RNF32: variants seen among roughly 807,000 people sequenced by gnomAD.
RNF32 encodes ring finger protein 32.
In RNF32, 36 loss-of-function variants were observed where a neutral mutation model predicts 41.0. The observed-to-expected ratio is 0.88, with a 90% CI of 0.67 to 1.16. The LOEUF is 1.16. RNF32 is among the 50% of genes most tolerant of loss of function. The pLI, the probability that RNF32 is intolerant of heterozygous loss-of-function variation, is 0.00. For synonymous variants in RNF32, 154 were observed against 160.9 expected, an observed-to-expected ratio of 0.96 and a Z score of 0.32; for missense variants, 413 against 436.7, an observed-to-expected ratio of 0.95 and a Z score of 0.48.
intron 7 of RNF32, chr7:156,660,133 C>G (rs938383946): frequency 8.1e-6 from 8 of 985,714 alleles, no homozygotes; most frequent in African/African-American, 7.0e-5. Context: ...ACGCCCCGCT[C>G]TGATCCCCGT....
At chr7:156,664,722 TATCTTAGTAAAGAAAGTCATC>T (rs1801111026) in intron 7 of RNF32, among the ~76,000 whole-genome samples, 1 of 152,214 alleles carries the variant, frequency 6.6e-6, no homozygotes, top group South Asian at 2.1e-4. Flanking sequence ...ACACGGACCC[TATCTTAGTAAAGAAAGTCATC>T]ATCATCCTCA....
intron 4 of RNF32, among the ~76,000 whole-genome samples, chr7:156,655,293 TAG>T (rs1045186230): frequency 7.4e-5 from 11 of 148,094 alleles, no homozygotes; most frequent in African/African-American, 1.3e-4. Flanking sequence ...TATATATATA[TAG>T]AGAGAGAGAG....
chr7:156,670,232 G>A lies in RNF32; in HGVS notation c.685-5464G>A, dbSNP rs961570640. On this transcript the variant is annotated intron_variant, in intron 7 of 8. Transcript: ENST00000317955. The surrounding 1 kb of genome is among the most constrained non-coding windows in gnomAD (Gnocchi z 4.3). ...GGGCACACACATTTCCTTCTTTGCA[G>A]AGGAGCTGGATGCTAAGCACGGCTG... Among the ~76,000 whole-genome samples, 1 of 152,206 alleles carries A rather than the reference G, an allele frequency of 6.6e-6. No individual in the cohort carries two copies. Among genetic ancestry groups the A allele is most frequent in the Non-Finnish European group, 1.5e-5 (1 of 68,034 alleles).
chr7:156,676,210 CCA>C, intron 8 of RNF32: 1 of 1,477,508 alleles, frequency 6.8e-7, no homozygotes, highest in Non-Finnish European at 9.0e-7. Flanking sequence ...CTAACCCTTT[CCA>C]CAGTTCCCAG....
At chr7:156,671,920 A>G (rs1426401325) in intron 7 of RNF32, among the ~76,000 whole-genome samples, 1 of 152,216 alleles carries the variant, frequency 6.6e-6, no homozygotes, top group Non-Finnish European at 1.5e-5. Context: ...ACAAAATTAT[A>G]ATGGAAATGA....
chr7:156,672,736 T>C (rs75852828), intron 7 of RNF32, among the ~76,000 whole-genome samples: 2,749 of 152,330 alleles, frequency 0.018, 86 homozygotes, highest in African/African-American at 0.063. Flanking sequence ...TACATATTTA[T>C]ATGTGGCCCG....
rs1277034332 is a variant in RNF32, at chr7:156,676,673, G to C, written c.*18G>C. On this transcript the variant is annotated 3_prime_UTR_variant, in exon 9 of 9. Coordinates refer to ENST00000317955, the MANE Select transcript of RNF32 (RefSeq NM_030936.4). ...AATGTTGAATTCATAGTCAAGGAAA[G>C]TTAGGTAATTCTGAGGAAAAAAGTT... The C allele has an allele frequency of 6.3e-7, 1 of 1,598,102 alleles. No individual in the cohort carries two copies.
In RNF32 at chr7:156,657,215, C is replaced by G. The variant is rs183380716; in HGVS notation, c.418-326C>G. Among the ~76,000 whole-genome samples, 409 of 152,312 alleles carry G rather than the reference C, an allele frequency of 2.7e-3. 2 individuals carry two copies. The highest frequency in any genetic ancestry group is 8.6e-3 in the African/African-American group (359 of 41,580). On this transcript the variant is annotated intron_variant, in intron 4 of 8. Transcript: ENST00000317955. The stretch of plus-strand genomic sequence containing the variant: ...GCCCCACTGGACAGGCCCCCCTCCT[C>G]ACCCCTCCAGTTTGCAGTCACTGCC...
intron 2 of RNF32, 34 bp from the exon 3 acceptor site, chr7:156,644,465 C>T: frequency 6.6e-7 from 1 of 1,525,022 alleles, no homozygotes; most frequent in Non-Finnish European, 9.0e-7. Flanking sequence ...TTACATAATA[C>T]TCCTCTAAAT....
At chr7:156,654,365 C>T (rs1270043774) in intron 3 of RNF32, 2 of 472,208 alleles carry the variant, frequency 4.2e-6, no homozygotes, top group Non-Finnish European at 7.6e-6. Context: ...TGCAAATACT[C>T]CACCATCTTC....
intron 7 of RNF32, among the ~76,000 whole-genome samples, chr7:156,666,992 C>T (rs1801424787): frequency 1.3e-5 from 2 of 152,116 alleles, no homozygotes; most frequent in African/African-American, 4.8e-5. Context: ...CTGCTGGCTC[C>T]CACACCCTCC....
At chr7:156,676,009 G>A in intron 8 of RNF32, 146 bp downstream of exon 8, 1 of 890,460 alleles carries the variant, frequency 1.1e-6, no homozygotes. Context: ...GGCTGTGGGG[G>A]TGGCATGTCG....
chr7:156,642,034 A>AG (rs1476203290), intron 1 of RNF32, among the ~76,000 whole-genome samples: 1 of 152,162 alleles, frequency 6.6e-6, no homozygotes, highest in Non-Finnish European at 1.5e-5. Flanking sequence ...CTCACGCCTT[A>AG]GTGAGTTTGT....
At chr7:156,668,167 C>G (rs1339487946) in intron 7 of RNF32, among the ~76,000 whole-genome samples, 3 of 152,150 alleles carry the variant, frequency 2.0e-5, no homozygotes. Flanking sequence ...ATAAGCAGTG[C>G]ACACAGGAAA....
rs60330069 is a variant in RNF32, at chr7:156,655,453, G to T, written c.417+735G>T. 5.2e-3 allele frequency among the ~76,000 whole-genome samples: 798 copies of T among 152,312 alleles called. 8 individuals are homozygous for T. Among genetic ancestry groups the T allele is most frequent in the African/African-American group, 0.018 (761 of 41,570 alleles). ...TTGCCCTGTAACAATTTCCCACGTG[G>T]TGTGGCATTACGCTTCCTGCATAGC... On this transcript the variant is annotated intron_variant, in intron 4 of 8. Transcript: ENST00000317955.
rs528517840 is a variant in RNF32 at position 156,654,616 on chromosome 7, G to A, written c.315G>A (p.Leu105=). The change falls in exon 4 of 9, where the codon CTG becomes CTA. Residue 105 remains leucine, a synonymous_variant. Coordinates refer to ENST00000317955, the MANE Select transcript of RNF32 (RefSeq NM_030936.4). ...LGLIGPPPPP[L]SSDEWEKVKQ... is the part of the protein sequence containing the mutation. ...TCATTGGGCCTCCACCACCTCCACTGTCATCAGATGAATGGGAGAAGGTGA... is the reference window on the plus strand; with the variant it reads ...TCATTGGGCCTCCACCACCTCCACTATCATCAGATGAATGGGAGAAGGTGA... 6.2e-7 allele frequency: 1 copy of A among 1,614,106 alleles called. No homozygotes were observed. Among genetic ancestry groups the A allele is most frequent in the Non-Finnish European group, 8.5e-7 (1 of 1,179,968 alleles).
intron 1 of RNF32, among the ~76,000 whole-genome samples, chr7:156,641,268 A>G (rs1295441758): frequency 1.3e-5 from 2 of 152,146 alleles, no homozygotes; most frequent in African/African-American, 4.8e-5. Flanking sequence ...TTGCATCTTT[A>G]CGTCGTAGGC....
At chr7:156,675,946 G>A (rs1027799108) in intron 8 of RNF32, 83 bp downstream of exon 8, 16 of 1,395,374 alleles carry the variant, frequency 1.1e-5, no homozygotes, top group East Asian at 2.3e-5. Context: ...GGGGGAGGTC[G>A]AGGACTCACT....
At chr7:156,660,375 T>C (rs1800449767) in intron 7 of RNF32, 32 of 824,694 alleles carry the variant, frequency 3.9e-5, no homozygotes, top group Non-Finnish European at 4.5e-5. Context: ...AATGTGGTTT[T>C]TCCTTTGGGG....
Sources: gnomAD v4.1 joint callset for allele counts (sites outside exome capture counted in the v4.1 genomes callset) on GRCh38, gnomAD v4.1.1 for gene constraint, Gnocchi (gnomAD v3.1) non-coding constraint, MANE v1.5 for transcripts, NCBI Gene and HGNC (gene_info 2026-07-23, HGNC 2026-07-21) for gene names.